The following HOOK3 variants were observed in gnomAD, a reference collection of about 807,000 sequenced individuals.
HOOK3 encodes protein Hook homolog 3.
A neutral mutation model predicts 116.3 loss-of-function variants in HOOK3; 24 were observed. The observed-to-expected ratio is 0.21, with a 90% CI of 0.15 to 0.29. The LOEUF (loss-of-function observed/expected upper bound fraction) is 0.29, where lower values mean the gene tolerates loss of function less well. Among genes scored for constraint, HOOK3 ranks in the 10% least tolerant of loss-of-function variants. HOOK3 has a pLI of 1.00. For missense variants in HOOK3, 632 were observed against 830.2 expected (o/e 0.76, Z 2.93); for synonymous variants, 275 against 283.0 (o/e 0.97, Z 0.28).
intron 17 of HOOK3, among the ~76,000 whole-genome samples, chr8:43,007,016 ATTTTTTTTTTTTTTTT>A (rs58609523): frequency 9.7e-6 from 1 of 103,244 alleles, no homozygotes; most frequent in Admixed American, 1.0e-4. Context: ...AAGTTCCTAG[ATTTTTTTTTTTTTTTT>A]TTTTTTTTTT....
At chr8:43,018,168 A>C (rs1352704408) in intron 21 of HOOK3, among the ~76,000 whole-genome samples, 190 bp from the exon 22 acceptor site, 1 of 152,228 alleles carries the variant, frequency 6.6e-6, no homozygotes, top group African/African-American at 2.4e-5. Flanking sequence ...GAATTTTTCC[A>C]AAAGAAAATT....
intron 6 of HOOK3, among the ~76,000 whole-genome samples, chr8:42,951,449 A>T (rs1245905195): frequency 6.6e-6 from 1 of 152,206 alleles, no homozygotes; most frequent in Non-Finnish European, 1.5e-5. Context: ...ACCTCCAGCC[A>T]TTCCCAAAGC....
In HOOK3 at chr8:42,979,965, C is replaced by CT. The variant is rs1194992402; in HGVS notation, c.1322-2647dup. ...GAGTTTTGTTTTTTCTTTTTCTTTT[C>CT]TTTTTTTTTTTTTTTGAGATGGAGT... On this transcript the variant is annotated intron_variant, in intron 13 of 21. Transcript: ENST00000307602. 5.7e-3 allele frequency among the ~76,000 whole-genome samples: 795 copies of CT among 138,616 alleles called. 3 individuals carry two copies. The highest frequency in any genetic ancestry group is 8.3e-3 in the Admixed American group (115 of 13,774). The allele number at this position is 138,616 out of a possible 152,430, so 90.9% of individuals were successfully genotyped here.
At chr8:42,965,899 A>G (rs1808624396) in intron 9 of HOOK3, among the ~76,000 whole-genome samples, 1 of 152,292 alleles carries the variant, frequency 6.6e-6, no homozygotes, top group Non-Finnish European at 1.5e-5. Context: ...GAGAATCTGC[A>G]AGACCCTCTC....
chr8:42,969,152 T>C (rs1243720461), intron 11 of HOOK3, among the ~76,000 whole-genome samples: 1 of 152,216 alleles, frequency 6.6e-6, no homozygotes, highest in African/African-American at 2.4e-5. Flanking sequence ...ATATAAATAG[T>C]ATTGTACAGG....
At chr8:42,944,320 G>A (rs1328644669) in intron 5 of HOOK3, among the ~76,000 whole-genome samples, 1 of 152,060 alleles carries the variant, frequency 6.6e-6, no homozygotes, top group Non-Finnish European at 1.5e-5. Flanking sequence ...GGTGTCTGAG[G>A]CATGAGAATC....
At chr8:42,972,514 T>A (rs1446577841) in intron 11 of HOOK3, among the ~76,000 whole-genome samples, 1 of 152,126 alleles carries the variant, frequency 6.6e-6, no homozygotes, top group African/African-American at 2.4e-5. Flanking sequence ...TGGGCTCAAG[T>A]GATCTTCCCA....
chr8:42,939,495 C>T (rs1303855802), intron 4 of HOOK3, among the ~76,000 whole-genome samples: 79 of 147,826 alleles, frequency 5.3e-4, no homozygotes, highest in Non-Finnish European at 9.5e-4. Context: ...CCTCACCTCC[C>T]GGACGGGGCG....
intron 4 of HOOK3, among the ~76,000 whole-genome samples, chr8:42,933,909 G>C (rs1807917048): frequency 6.6e-6 from 1 of 152,032 alleles, no homozygotes; most frequent in African/African-American, 2.4e-5. Context: ...TTATCTCCAT[G>C]TTCATGCTGC....
chr8:42,976,428 T>C (rs58081556), intron 13 of HOOK3, among the ~76,000 whole-genome samples: 7,196 of 152,184 alleles, frequency 0.047, 341 homozygotes, highest in African/African-American at 0.12. Context: ...AAGGATGACT[T>C]GAGCCTGGGA....
intron 2 of HOOK3, among the ~76,000 whole-genome samples, chr8:42,916,197 C>G (rs908038652): frequency 3.9e-5 from 6 of 152,188 alleles, no homozygotes; most frequent in African/African-American, 1.2e-4. Context: ...ATATTGCCGC[C>G]GCCTCTTATC....
At chr8:42,932,886 C>T (rs758770993) in intron 4 of HOOK3, among the ~76,000 whole-genome samples, 1 of 152,206 alleles carries the variant, frequency 6.6e-6, no homozygotes, top group Non-Finnish European at 1.5e-5. Flanking sequence ...CATTTATTCT[C>T]ATAGCCCAAG....
chr8:42,952,945 A>G (rs538401906), intron 6 of HOOK3, among the ~76,000 whole-genome samples: 25 of 152,232 alleles, frequency 1.6e-4, no homozygotes, highest in African/African-American at 4.8e-4. Context: ...TTCTTAATAC[A>G]TGATTCCCAG....
rs1341494577 is a variant in HOOK3 at position 43,019,991 on chromosome 8, T to C, written c.*1493T>C. 2 of 197,510 alleles carry C rather than the reference T, an allele frequency of 1.0e-5. No individual in the cohort carries two copies. Among genetic ancestry groups the C allele is most frequent in the African/African-American group, 4.6e-5 (2 of 43,450 alleles). The allele number at this position is 197,510 out of a possible 1,614,324, so 12.2% of individuals were successfully genotyped here. On this transcript the variant is annotated 3_prime_UTR_variant, in exon 22 of 22. Transcript: ENST00000307602. ...GTTCTTTATGTTAAATACGAATAAG[T>C]AACCTCAAATCAAGCTAAATGTAAT...
At chr8:42,990,325 CTTTTTTTTTTTTTTTTTTTTTTTT>C (rs59033055) in intron 15 of HOOK3, among the ~76,000 whole-genome samples, 27 of 37,904 alleles carry the variant, frequency 7.1e-4, no homozygotes, top group African/African-American at 2.1e-3. Flanking sequence ...CTGTTTAGAT[CTTTTTTTTTTTTTTTTTTTTTTTT>C]TTTTTTTTTT....
In HOOK3 at chr8:42,919,119, C is replaced by T. The variant is rs562103661; in HGVS notation, c.144-6438C>T. 2.9e-3 allele frequency among the ~76,000 whole-genome samples: 437 copies of T among 151,654 alleles called. 3 individuals carry two copies. The highest frequency in any genetic ancestry group is 4.9e-3 in the Admixed American group (75 of 15,262). Reference sequence around the variant, plus strand: ...CCCATCACCCAGACAGGGCGGCTGCCGGGTGGAGACGCTCCTCACTTCCCA... The same window carrying T: ...CCCATCACCCAGACAGGGCGGCTGCTGGGTGGAGACGCTCCTCACTTCCCA... On this transcript the variant is annotated intron_variant, in intron 2 of 21. Coordinates refer to ENST00000307602, the MANE Select transcript of HOOK3 (RefSeq NM_032410.4).
Position 43,029,368 on chromosome 8 carries a change from T to C in HOOK3, c.*10870T>C. ...TTTCACCTTGTTGGCCAGGATGATC[T>C]CGATCTCTTGATCTCGTGATCTGCC... is the stretch of plus-strand genomic sequence containing the variant. On this transcript the variant is annotated 3_prime_UTR_variant, in exon 22 of 22. Transcript: ENST00000307602. 1 of 168,414 alleles carries C rather than the reference T, an allele frequency of 5.9e-6. No homozygotes were observed. 10.4% of individuals were successfully genotyped at this position (168,414 alleles called of 1,614,324 possible).
chr8:42,995,843 C>T lies in HOOK3; in HGVS notation c.1533-1707C>T, dbSNP rs541675717. ...TTCGTCTGTCCCTTTCTATTTCCTC[C>T]TCTGTCCCTTTCTATTTCAGGCATA... is the stretch of plus-strand genomic sequence containing the variant. On this transcript the variant is annotated intron_variant, in intron 15 of 21. Transcript: ENST00000307602. Among the ~76,000 whole-genome samples, 334 of 152,214 alleles carry T rather than the reference C, an allele frequency of 2.2e-3. 2 individuals carry two copies. The highest frequency in any genetic ancestry group is 7.9e-3 in the African/African-American group (326 of 41,516).
intron 2 of HOOK3, among the ~76,000 whole-genome samples, 161 bp downstream of exon 2, chr8:42,906,419 T>G (rs1807312225): frequency 6.6e-6 from 1 of 152,202 alleles, no homozygotes; most frequent in Non-Finnish European, 1.5e-5. Flanking sequence ...AGGTATAGAT[T>G]GGGTTGCAAG....
Sources: gnomAD v4.1 joint callset for allele counts (sites outside exome capture counted in the v4.1 genomes callset) on GRCh38, gnomAD v4.1.1 for gene constraint, MANE v1.5 for transcripts, NCBI Gene and HGNC (gene_info 2026-07-23, HGNC 2026-07-21) for gene names.